Variants in SRGAP3 observed in about 807,000 individuals in gnomAD.
SRGAP3 encodes SLIT-ROBO Rho GTPase activating protein 3, also known as SLIT-ROBO Rho GTPase-activating protein 3.
A neutral mutation model predicts 121.1 loss-of-function variants in SRGAP3; 39 were observed. That is an observed-to-expected ratio of 0.32 (90% CI 0.25 to 0.42). The LOEUF is 0.42. Among genes scored for constraint, SRGAP3 ranks in the 10% least tolerant of loss-of-function variants. The probability of loss-of-function intolerance (pLI) is 1.00; values close to 1 mark genes in which losing one functional copy is unlikely to be tolerated. For synonymous variants in SRGAP3, 601 were observed against 570.0 expected (o/e 1.05, Z -0.77); for missense variants, 1,213 against 1,470.6 (o/e 0.82, Z 2.86).
chr3:9,347,787 T>C (rs1575025013), intron 1 of SRGAP3, among the ~76,000 whole-genome samples: 1 of 152,228 alleles, frequency 6.6e-6, no homozygotes, highest in Non-Finnish European at 1.5e-5. Flanking sequence ...TACAAAAGGA[T>C]GTGGAAATCT....
intron 1 of SRGAP3, among the ~76,000 whole-genome samples, chr3:9,130,902 GC>G (rs1388197478): frequency 6.6e-6 from 1 of 152,242 alleles, no homozygotes; most frequent in Non-Finnish European, 1.5e-5. Context: ...AAAGAGCAGA[GC>G]AACCTCCCCC....
intron 1 of SRGAP3, among the ~76,000 whole-genome samples, chr3:9,232,420 T>A (rs929166408): frequency 6.6e-6 from 1 of 152,142 alleles, no homozygotes; most frequent in African/African-American, 2.4e-5. Context: ...CCACCCCTCG[T>A]CCCCAAGGGT....
rs1409416937 is a variant in SRGAP3, at chr3:9,096,958, TATATATATATATATATATATATAC to T, written c.423+7698_423+7721del. Among the ~76,000 whole-genome samples the T allele has an allele frequency of 2.1e-3, 211 of 100,298 alleles. 4 individuals are homozygous for T. The highest frequency in any genetic ancestry group is 9.6e-3 in the African/African-American group (175 of 18,238). The allele number at this position is 100,298 out of a possible 152,430, so 65.8% of individuals were successfully genotyped here. On this transcript the variant is annotated intron_variant, in intron 3 of 21. Coordinates refer to ENST00000383836, the MANE Select transcript of SRGAP3 (RefSeq NM_014850.4). Reference sequence around the variant, plus strand: ...TTTTGTATATATATATATATATATATATATATATATATATATATATATACACATACACACACATATATATATATT... The same window carrying T: ...TTTTGTATATATATATATATATATATACATACACACACATATATATATATT...
At chr3:9,082,879 T>G (rs1186232697) in intron 3 of SRGAP3, among the ~76,000 whole-genome samples, 1 of 152,154 alleles carries the variant, frequency 6.6e-6, no homozygotes, top group Admixed American at 6.5e-5. Flanking sequence ...TTGCCAAGAA[T>G]CACCCCTCTG....
At chr3:9,329,451 T>A (rs1955569383) in intron 2 of SRGAP3, among the ~76,000 whole-genome samples, 1 of 152,160 alleles carries the variant, frequency 6.6e-6, no homozygotes, top group Non-Finnish European at 1.5e-5. Flanking sequence ...AACACAGACA[T>A]TAGCTACTCT....
At chr3:9,074,893 T>A (rs1234039080) in intron 4 of SRGAP3, among the ~76,000 whole-genome samples, 1 of 152,150 alleles carries the variant, frequency 6.6e-6, no homozygotes, top group African/African-American at 2.4e-5. Flanking sequence ...CCTCCCCACA[T>A]GGCAAAGAAC....
chr3:9,239,871 A>G lies in SRGAP3; in HGVS notation c.67+9014T>C, dbSNP rs896496448. On this transcript the variant is annotated intron_variant, in intron 1 of 21. Coordinates refer to ENST00000383836, the MANE Select transcript of SRGAP3 (RefSeq NM_014850.4). The surrounding 1 kb of genome is among the most constrained non-coding windows in gnomAD (Gnocchi z 4.0). The stretch of plus-strand genomic sequence containing the variant: ...ATTAGGGAACTGAGCCAGAGGCAAA[A>G]AGAAAAAGCACCCAGATGATCCATG... Among the ~76,000 whole-genome samples, 6 of 152,210 alleles carry G rather than the reference A, an allele frequency of 3.9e-5. No homozygotes were observed. The highest frequency in any genetic ancestry group is 9.7e-5 in the African/African-American group (4 of 41,446).
chr3:9,031,622 C>A (rs1224137265), intron 12 of SRGAP3, among the ~76,000 whole-genome samples: 6 of 152,174 alleles, frequency 3.9e-5, no homozygotes, highest in African/African-American at 1.2e-4. Flanking sequence ...CCCTCCCCTG[C>A]CTAAGGCCAA....
intron 3 of SRGAP3, among the ~76,000 whole-genome samples, chr3:9,276,450 G>A (rs932555403): frequency 3.4e-5 from 5 of 148,400 alleles, no homozygotes; most frequent in African/African-American, 1.0e-4. Context: ...TTTTGAGATG[G>A]AGTCTCCCAC....
intron 2 of SRGAP3, among the ~76,000 whole-genome samples, chr3:9,118,475 G>A (rs2124959274): frequency 6.6e-6 from 1 of 152,348 alleles, no homozygotes. Flanking sequence ...GAAGGGCTCA[G>A]CTCCAGGCCT....
intron 1 of SRGAP3, among the ~76,000 whole-genome samples, chr3:9,339,146 T>G (rs1241328099): frequency 6.6e-6 from 1 of 152,216 alleles, no homozygotes; most frequent in Admixed American, 6.5e-5. Context: ...GCCATATGAT[T>G]ATGATTCTGA....
At chr3:9,116,846 G>A (rs1044627868) in intron 2 of SRGAP3, among the ~76,000 whole-genome samples, 8 of 152,138 alleles carry the variant, frequency 5.3e-5, no homozygotes, top group Non-Finnish European at 8.8e-5. Flanking sequence ...TTAATTTCTC[G>A]AAAACTCAGT....
chr3:9,049,342 C>T, intron 9 of SRGAP3: 1 of 454,970 alleles, frequency 2.2e-6, no homozygotes, highest in Non-Finnish European at 4.4e-6. Flanking sequence ...GCTCCCAGGA[C>T]CTGGCCTATT....
chr3:9,254,525 G>A (rs564623862), upstream of SRGAP3, among the ~76,000 whole-genome samples: 1 of 152,304 alleles, frequency 6.6e-6, no homozygotes, highest in African/African-American at 2.4e-5. Context: ...CAGGAGCAGT[G>A]GCTCATGCCT....
chr3:9,127,585 C>T (rs1032439648), intron 1 of SRGAP3, among the ~76,000 whole-genome samples: 2 of 152,086 alleles, frequency 1.3e-5, no homozygotes, highest in Non-Finnish European at 2.9e-5. Context: ...GTAGCTGGGA[C>T]GACAGGTGCG....
chr3:9,236,431 C>T (rs1236052913), intron 1 of SRGAP3, among the ~76,000 whole-genome samples: 1 of 135,196 alleles, frequency 7.4e-6, no homozygotes, highest in African/African-American at 2.5e-5. Context: ...AATTGTAATC[C>T]CCAGTGTTGG....
At chr3:9,282,594 G>T (rs1009327786) in intron 3 of SRGAP3, among the ~76,000 whole-genome samples, 18 of 151,924 alleles carry the variant, frequency 1.2e-4, no homozygotes, top group Non-Finnish European at 2.2e-4. Context: ...AGGTTCAAGC[G>T]ATTCTCCTGC....
intron 11 of SRGAP3, chr3:9,033,297 CATTTCAGAGATGAAGA>C: frequency 6.3e-6 from 1 of 157,942 alleles, no homozygotes; most frequent in Non-Finnish European, 1.4e-5. Flanking sequence ...TTACTATTCT[CATTTCAGAGATGAAGA>C]AACTGATGCC....
At chr3:9,294,444 A>G (rs1422757744) in intron 3 of SRGAP3, among the ~76,000 whole-genome samples, 1 of 152,166 alleles carries the variant, frequency 6.6e-6, no homozygotes, top group African/African-American at 2.4e-5. Flanking sequence ...TACTTGAGTG[A>G]TGAAATAACC....
Sources: allele counts gnomAD v4.1 joint callset (sites outside exome capture counted in the v4.1 genomes callset), GRCh38; gene constraint gnomAD v4.1.1; non-coding constraint Gnocchi (gnomAD v3.1); transcripts MANE v1.5; gene names NCBI Gene and HGNC (gene_info 2026-07-23, HGNC 2026-07-21).